SLC6A17: variants seen among roughly 807,000 people sequenced by gnomAD.
SLC6A17 encodes the protein solute carrier family 6 member 17.
In SLC6A17, 21 loss-of-function variants were observed where a neutral mutation model predicts 64.5. That is an observed-to-expected ratio of 0.33 (90% CI 0.23 to 0.47). The LOEUF is 0.47. Among genes scored for constraint, SLC6A17 ranks in the 20% least tolerant of loss-of-function variants. The pLI is 1.00. For synonymous variants in SLC6A17, 372 were observed against 399.5 expected (o/e 0.93, Z 0.82); for missense variants, 682 against 963.2 (o/e 0.71, Z 3.86).
chr1:110,188,156 A>T (rs567381272), intron 6 of SLC6A17, among the ~76,000 whole-genome samples: 84 of 152,360 alleles, frequency 5.5e-4, no homozygotes, highest in Non-Finnish European at 1.0e-3. Context: ...TGGGGGTGAT[A>T]TGTAATTAAG....
In SLC6A17 at chr1:110,176,697, G is replaced by A; in HGVS notation, c.822G>A (p.Leu274=). 1.2e-6 allele frequency: 2 copies of A among 1,614,064 alleles called. No homozygotes were observed. The highest frequency in any genetic ancestry group is 1.3e-5 in the African/African-American group (1 of 75,050). ...LACFLVRGLL[L]RGAVDGILHM... ...GCTTCCTGGTCCGGGGGCTGTTGCT[G>A]CGAGGGGCAGTTGATGGCATCCTAC... The change falls in exon 6 of 12, where the codon CTG becomes CTA. Residue 274 remains leucine, a synonymous_variant. Coordinates refer to ENST00000331565, the MANE Select transcript of SLC6A17 (RefSeq NM_001010898.4).
chr1:110,191,054 TACAG>T (rs1224524890), intron 6 of SLC6A17, among the ~76,000 whole-genome samples: 4 of 152,228 alleles, frequency 2.6e-5, no homozygotes. Context: ...TGCCACTACG[TACAG>T]GCATTACTTG....
rs561243084 is a variant in SLC6A17 at position 110,200,387 on chromosome 1, C to T, written c.*1943C>T. 1.9e-4 allele frequency: 61 copies of T among 315,930 alleles called. No homozygotes were observed. The highest frequency in any genetic ancestry group is 1.2e-3 in the African/African-American group (58 of 47,074). 19.6% of individuals were successfully genotyped at this position (315,930 alleles called of 1,614,324 possible). Reference sequence around the variant, plus strand: ...CACCGCAGTCCCCCTCACCCGACAACACCTCCTACCTGGCCCCTTGCCAAA... The same window carrying T: ...CACCGCAGTCCCCCTCACCCGACAATACCTCCTACCTGGCCCCTTGCCAAA... On this transcript the variant is annotated 3_prime_UTR_variant, in exon 12 of 12. Transcript: ENST00000331565.
intron 5 of SLC6A17, among the ~76,000 whole-genome samples, chr1:110,176,340 C>A (rs745665180): frequency 6.6e-6 from 1 of 152,104 alleles, no homozygotes; most frequent in Non-Finnish European, 1.5e-5. Flanking sequence ...TCCCTTACCC[C>A]CTTGGCAGCC....
chr1:110,193,243 G>C (rs926348765), intron 8 of SLC6A17, among the ~76,000 whole-genome samples: 16 of 152,178 alleles, frequency 1.1e-4, no homozygotes, highest in African/African-American at 3.1e-4. Context: ...GTTGGGTCCA[G>C]AGCCCATGCT....
rs1446356485 is a variant in SLC6A17, at chr1:110,150,494, C to T, written c.-477C>T. The T allele has an allele frequency of 6.6e-6, 1 of 152,344 alleles. No homozygotes were observed. Among genetic ancestry groups the T allele is most frequent in the African/African-American group, 2.4e-5 (1 of 41,570 alleles). The allele number at this position is 152,344 out of a possible 1,614,324, so 9.4% of individuals were successfully genotyped here. A position where few individuals can be genotyped will look rare whatever the true frequency, so the allele number is the denominator to read the frequency against. The stretch of plus-strand genomic sequence containing the variant: ...CACGGCGCCCCGCCGCCAGGGTGGC[C>T]TTTCGGAAAGCGAGGGAACAGTGCG... On this transcript the variant is annotated 5_prime_UTR_variant, in exon 1 of 12. Transcript: ENST00000331565.
chr1:110,198,479 G>T lies in SLC6A17; in HGVS notation c.*35G>T. On this transcript the variant is annotated 3_prime_UTR_variant, in exon 12 of 12. Transcript: ENST00000331565. ...AAGCCCTGCCCGCCTCTCCCCCCAC[G>T]CTCAACCTGCCCACTTGTCCAGGCC... is the stretch of plus-strand genomic sequence containing the variant. 6.4e-7 allele frequency: 1 copy of T among 1,574,366 alleles called. No individual in the cohort carries two copies. Among genetic ancestry groups the T allele is most frequent in the Non-Finnish European group, 8.6e-7 (1 of 1,159,224 alleles).
Position 110,192,929 on chromosome 1 carries a change from C to T in SLC6A17, c.1299+231C>T, listed in dbSNP as rs1021398433. On this transcript the variant is annotated intron_variant, in intron 8 of 11. Transcript: ENST00000331565. The surrounding 1 kb of genome is among the most constrained non-coding windows in gnomAD (Gnocchi z 4.3). ...CAAGAAGTAGGGCAGACACACACCT[C>T]TCAGAAGTCACAGTAAGTGTATGGG... is the stretch of plus-strand genomic sequence containing the variant. 3.9e-5 allele frequency among the ~76,000 whole-genome samples: 6 copies of T among 152,242 alleles called. No individual in the cohort carries two copies. Among genetic ancestry groups the T allele is most frequent in the Non-Finnish European group, 7.3e-5 (5 of 68,036 alleles).
At position 110,192,290 on chromosome 1, in the gene SLC6A17, G is replaced by A; in HGVS notation, c.1106+77G>A. 1.3e-6 allele frequency: 2 copies of A among 1,554,910 alleles called. No homozygotes were observed. The highest frequency in any genetic ancestry group is 2.7e-5 in the African/African-American group (2 of 73,856). ...GGAGTGGGCAGGGGTGGGGGCGCAG[G>A]TGTGCATGGGGAGAGAGGTCCCCTC... On this transcript the variant is annotated intron_variant, in intron 7 of 11. Coordinates refer to ENST00000331565, the MANE Select transcript of SLC6A17 (RefSeq NM_001010898.4). The surrounding 1 kb of genome is among the most constrained non-coding windows in gnomAD (Gnocchi z 4.3).
At chr1:110,153,672 T>A (rs904848139) in intron 1 of SLC6A17, among the ~76,000 whole-genome samples, 6 of 152,208 alleles carry the variant, frequency 3.9e-5, no homozygotes, top group Non-Finnish European at 7.3e-5. Flanking sequence ...TCTGCCTGTG[T>A]ACCCTCCCTT....
At chr1:110,197,393 G>A in intron 10 of SLC6A17, 44 bp from the exon 11 acceptor site, 1 of 1,573,692 alleles carries the variant, frequency 6.4e-7, no homozygotes, top group East Asian at 2.2e-5. Context: ...AGGGAGGTGT[G>A]ACTGAGGGAT....
At chr1:110,172,737 T>G (rs977799878) in intron 3 of SLC6A17, among the ~76,000 whole-genome samples, 1 of 152,090 alleles carries the variant, frequency 6.6e-6, no homozygotes, top group Non-Finnish European at 1.5e-5. Context: ...CAACCCAAGG[T>G]GGGTGAGGCT....
At chr1:110,196,200 G>A (rs1272928402) in intron 10 of SLC6A17, among the ~76,000 whole-genome samples, 1 of 152,194 alleles carries the variant, frequency 6.6e-6, no homozygotes, top group African/African-American at 2.4e-5. Context: ...TCTAAGAAAG[G>A]ATTGGGTCTC....
intron 10 of SLC6A17, 140 bp from the exon 11 acceptor site, chr1:110,197,297 T>C (rs1283881939): frequency 4.9e-5 from 56 of 1,153,412 alleles, no homozygotes; most frequent in Non-Finnish European, 4.8e-5. Context: ...CCACACACAA[T>C]GAGCACTGAA....
intron 1 of SLC6A17, among the ~76,000 whole-genome samples, chr1:110,154,993 G>A (rs1046157941): frequency 5.9e-5 from 9 of 152,076 alleles, no homozygotes; most frequent in Non-Finnish European, 1.0e-4. Flanking sequence ...GTCCGTGGCC[G>A]TTCTGGGAAA....
chr1:110,189,364 T>C (rs1426438666), intron 6 of SLC6A17, among the ~76,000 whole-genome samples: 2 of 152,006 alleles, frequency 1.3e-5, no homozygotes, highest in African/African-American at 4.8e-5. Flanking sequence ...GGCCCTCACC[T>C]CGGCCTCTCC....
Position 110,192,785 on chromosome 1 carries a change from T to C in SLC6A17, c.1299+87T>C, listed in dbSNP as rs1009862356. 3.1e-5 allele frequency: 43 copies of C among 1,381,074 alleles called. No homozygotes were observed. Among genetic ancestry groups the C allele is most frequent in the Non-Finnish European group, 3.7e-5 (38 of 1,018,406 alleles). 85.6% of individuals were successfully genotyped at this position (1,381,074 alleles called of 1,614,324 possible). Reference sequence around the variant, plus strand: ...GGGAGCTTGGGCTCAGGCCTCAGGATGCTGACAGGTAGTCATTAGTTTACT... The same window carrying C: ...GGGAGCTTGGGCTCAGGCCTCAGGACGCTGACAGGTAGTCATTAGTTTACT... On this transcript the variant is annotated intron_variant, in intron 8 of 11. Coordinates refer to ENST00000331565, the MANE Select transcript of SLC6A17 (RefSeq NM_001010898.4). The surrounding 1 kb of genome is among the most constrained non-coding windows in gnomAD (Gnocchi z 4.3).
At chr1:110,173,898 GGGCC>G in intron 3 of SLC6A17, 71 bp from the exon 4 acceptor site, 20 of 1,529,178 alleles carry the variant, frequency 1.3e-5, no homozygotes, top group Admixed American at 1.0e-4. Context: ...CCGACGTGCT[GGGCC>G]TCGGGTGGAG....
At chr1:110,171,287 C>T (rs7554444) in intron 2 of SLC6A17, among the ~76,000 whole-genome samples, 51,026 of 152,050 alleles carry the variant, frequency 0.34, 10,593 homozygotes, top group Non-Finnish European at 0.46. Flanking sequence ...CAGCTCTCAG[C>T]AGGGTGCACT....
Sources: allele counts gnomAD v4.1 joint callset (sites outside exome capture counted in the v4.1 genomes callset), GRCh38; gene constraint gnomAD v4.1.1; non-coding constraint Gnocchi (gnomAD v3.1); transcripts MANE v1.5; gene names NCBI Gene and HGNC (gene_info 2026-07-23, HGNC 2026-07-21).